KRTAP10-11: variants seen among roughly 807,000 people sequenced by gnomAD.
KRTAP10-11 encodes the protein keratin-associated protein 10-11.
For missense variants in KRTAP10-11, 401 were observed against 378.8 expected (o/e 1.06, Z -0.49); for synonymous variants, 188 against 161.1 (o/e 1.17, Z -1.27).
Position 44,647,121 on chromosome 21 carries a change from C to T in KRTAP10-11, c.663C>T (p.Cys221=), listed in dbSNP as rs1035288148. Residue 221 remains cysteine (C), a synonymous_variant, in exon 1 of 1, where the codon TGC becomes TGT. Coordinates refer to ENST00000334670, the MANE Select transcript of KRTAP10-11 (RefSeq NM_198692.3). ...ASSSRCQQPS[C]QPACCTTSCC... is the part of the protein sequence containing the mutation. ...CTTCACGCTGCCAGCAGCCTAGCTG[C>T]CAGCCAGCTTGCTGCACCACCTCCT... The T allele has an allele frequency of 9.9e-6, 16 of 1,614,068 alleles. No homozygotes were observed. Among genetic ancestry groups the T allele is most frequent in the Non-Finnish European group, 1.4e-5 (16 of 1,180,026 alleles).
In KRTAP10-11 at chr21:44,646,833, G is replaced by A. The variant is rs192041610; in HGVS notation, c.375G>A (p.Ser125=). 135 of 1,566,520 alleles carry A rather than the reference G, an allele frequency of 8.6e-5. No individual in the cohort carries two copies. The East Asian group carries it at 1.5e-3, about 17-fold the overall frequency. ...CTGTCTGCTGTGGGGCTGCTTCTTC[G>A]TGCTGCCGGCAGTCTAGCTGCCAGC... ...CVPVCCGAAS[S]CCRQSSCQPA... The change falls in exon 1 of 1, where the codon TCG becomes TCA. Residue 125 remains serine (S), a synonymous_variant. Coordinates refer to ENST00000334670, the MANE Select transcript of KRTAP10-11 (RefSeq NM_198692.3).
chr21:44,647,574 C>T lies in KRTAP10-11; in HGVS notation c.*219C>T. On this transcript the variant is annotated 3_prime_UTR_variant, in exon 1 of 1. Transcript: ENST00000334670. ...GGTGGACTGTGGCTTTCTGGAGCCC[C>T]CTTCTCCAAATGTGTTGCTTATACC... 6.4e-6 allele frequency: 4 copies of T among 622,824 alleles called. No individual in the cohort carries two copies. The highest frequency in any genetic ancestry group is 1.1e-5 in the Non-Finnish European group (4 of 348,282). 38.6% of individuals were successfully genotyped at this position (622,824 alleles called of 1,614,324 possible).
At position 44,646,776 on chromosome 21, in the gene KRTAP10-11, G is replaced by C; in HGVS notation, c.318G>C (p.Lys106Asn). 1 of 1,613,602 alleles carries C rather than the reference G, an allele frequency of 6.2e-7. No homozygotes were observed. The highest frequency in any genetic ancestry group is 8.5e-7 in the Non-Finnish European group (1 of 1,179,752). The change falls in exon 1 of 1, where the codon AAG becomes AAC. Residue 106 changes from lysine (K) to asparagine (N), a missense_variant. Transcript: ENST00000334670. ...CCTGCTGTGTGCCTGTCTGCTGCAA[G>C]ACTGTCTGCTGCAAGCCTGTGTGCT... ...QQACCVPVCC[K>N]TVCCKPVCCV...
In KRTAP10-11 at chr21:44,646,426, A is replaced by G. The variant is rs587706809; in HGVS notation, c.-33A>G. 6.3e-7 allele frequency: 1 copy of G among 1,579,334 alleles called. No homozygotes were observed. Among genetic ancestry groups the G allele is most frequent in the African/African-American group, 1.4e-5 (1 of 73,484 alleles). On this transcript the variant is annotated 5_prime_UTR_variant, in exon 1 of 1. Transcript: ENST00000334670. ...CACACACACTCACACACTCACTTAC[A>G]CCTCCCCCAGCTCACCTCCTCCCCA...
Position 44,647,350 on chromosome 21 carries a change from T to C in KRTAP10-11, c.892T>C (p.Cys298Arg). 1.2e-6 allele frequency: 2 copies of C among 1,613,478 alleles called. No homozygotes were observed. The highest frequency in any genetic ancestry group is 1.7e-6 in the Non-Finnish European group (2 of 1,179,584). ...CCTCTGCTCAGGCAAGAAGTCCAGC[T>C]GCTGAGTGCTCAATCCTTGTCTCCT... ...YSLCSGKKSSC is the reference protein window; with the variant it reads ...YSLCSGKKSSR The change falls in exon 1 of 1, where the codon TGC becomes CGC. Residue 298 changes from cysteine to arginine, a missense_variant. By Grantham distance (180) the Cys-to-Arg change is radical (BLOSUM62 -3). Coordinates refer to ENST00000334670, the MANE Select transcript of KRTAP10-11 (RefSeq NM_198692.3).
rs201289628 is a variant in KRTAP10-11 at position 44,647,230 on chromosome 21, G to A, written c.772G>A (p.Ala258Thr). The A allele has an allele frequency of 5.1e-5, 82 of 1,605,240 alleles. No homozygotes were observed. The highest frequency in any genetic ancestry group is 6.7e-5 in the Non-Finnish European group (79 of 1,175,268). The part of the protein sequence containing the change: ...TCCVPVSSCC[A>T]PTSSCQSSCC... Reference sequence around the variant, plus strand: ...CTGTGTGCCCGTCTCCTCCTGCTGTGCCCCCACCTCCTCCTGCCAGTCCAG... The same window carrying A: ...CTGTGTGCCCGTCTCCTCCTGCTGTACCCCCACCTCCTCCTGCCAGTCCAG... Residue 258 changes from alanine to threonine, a missense_variant, in exon 1 of 1, where the codon GCC (alanine) becomes ACC (threonine). Coordinates refer to ENST00000334670, the MANE Select transcript of KRTAP10-11 (RefSeq NM_198692.3).
At position 44,646,757 on chromosome 21, in the gene KRTAP10-11, G is replaced by A; in HGVS notation, c.299G>A (p.Cys100Tyr). The change falls in exon 1 of 1, where the codon TGT becomes TAT. Residue 100 changes from cysteine to tyrosine, a missense_variant. Coordinates refer to ENST00000334670, the MANE Select transcript of KRTAP10-11 (RefSeq NM_198692.3). ...TCCTCCCCCTGCCAGCAGGCCTGCT[G>A]TGTGCCTGTCTGCTGCAAGACTGTC... ...CTSSPCQQACCVPVCCKTVCC... is the reference protein window; with the variant it reads ...CTSSPCQQACYVPVCCKTVCC... The A allele has an allele frequency of 6.2e-7, 1 of 1,613,792 alleles. No individual in the cohort carries two copies. The highest frequency in any genetic ancestry group is 2.2e-5 in the East Asian group (1 of 44,842).
Position 44,647,563 on chromosome 21 carries a change from T to C in KRTAP10-11, c.*208T>C. On this transcript the variant is annotated 3_prime_UTR_variant, in exon 1 of 1. Coordinates refer to ENST00000334670, the MANE Select transcript of KRTAP10-11 (RefSeq NM_198692.3). Reference sequence around the variant, plus strand: ...ATCCCTCAGCAGGTGGACTGTGGCTTTCTGGAGCCCCCTTCTCCAAATGTG... The same window carrying C: ...ATCCCTCAGCAGGTGGACTGTGGCTCTCTGGAGCCCCCTTCTCCAAATGTG... 6 of 640,752 alleles carry C rather than the reference T, an allele frequency of 9.4e-6. No individual in the cohort carries two copies. In the South Asian group the frequency reaches 1.2e-4, roughly 13 times the overall value. The allele number at this position is 640,752 out of a possible 1,614,324, so 39.7% of individuals were successfully genotyped here.
rs782533305 is a variant in KRTAP10-11 at position 44,646,755 on chromosome 21, C to T, written c.297C>T (p.Cys99=). The part of the protein sequence containing the change: ...CCTSSPCQQA[C]CVPVCCKTVC... ...CCTCCTCCCCCTGCCAGCAGGCCTG[C>T]TGTGTGCCTGTCTGCTGCAAGACTG... is the stretch of plus-strand genomic sequence containing the variant. Residue 99 remains cysteine (C), a synonymous_variant, in exon 1 of 1, where the codon TGC becomes TGT. Coordinates refer to ENST00000334670, the MANE Select transcript of KRTAP10-11 (RefSeq NM_198692.3). The T allele has an allele frequency of 2.5e-6, 4 of 1,613,890 alleles. No homozygotes were observed. Among genetic ancestry groups the T allele is most frequent in the African/African-American group, 1.3e-5 (1 of 74,910 alleles).
At position 44,647,560 on chromosome 21, in the gene KRTAP10-11, G is replaced by A. The variant is rs1984516749; in HGVS notation, c.*205G>A. ...CAAATCCCTCAGCAGGTGGACTGTG[G>A]CTTTCTGGAGCCCCCTTCTCCAAAT... On this transcript the variant is annotated 3_prime_UTR_variant, in exon 1 of 1. Coordinates refer to ENST00000334670, the MANE Select transcript of KRTAP10-11 (RefSeq NM_198692.3). 1.1e-5 allele frequency: 7 copies of A among 642,186 alleles called. No homozygotes were observed. The South Asian group carries it at 1.2e-4, about 11-fold the overall frequency. The allele number at this position is 642,186 out of a possible 1,614,324, so 39.8% of individuals were successfully genotyped here.
chr21:44,647,514 TGTCTGGGAA>T lies in KRTAP10-11; in HGVS notation c.*161_*169del, dbSNP rs1384628550. The stretch of plus-strand genomic sequence containing the variant: ...GAGCGCGTCACACTTTCCTCCCCAC[TGTCTGGGAA>T]GAGACAACCCACAAATCCCTCAGCA... On this transcript the variant is annotated 3_prime_UTR_variant, in exon 1 of 1. Coordinates refer to ENST00000334670, the MANE Select transcript of KRTAP10-11 (RefSeq NM_198692.3). 2.4e-5 allele frequency: 21 copies of T among 882,904 alleles called. No homozygotes were observed. The highest frequency in any genetic ancestry group is 3.6e-5 in the Non-Finnish European group (21 of 581,178). The allele number at this position is 882,904 out of a possible 1,614,324, so 54.7% of individuals were successfully genotyped here. A position where few individuals can be genotyped will look rare whatever the true frequency, so the allele number is the denominator to read the frequency against.
chr21:44,646,654 G>C lies in KRTAP10-11; in HGVS notation c.196G>C (p.Ala66Pro), dbSNP rs368146868. Residue 66 changes from alanine to proline, a missense_variant, in exon 1 of 1, where the codon GCC (alanine) becomes CCC (proline). Ala to Pro is a conservative substitution (Grantham distance 27). Coordinates refer to ENST00000334670, the MANE Select transcript of KRTAP10-11 (RefSeq NM_198692.3). ...CTGCCAGGCGGCCTGTGAGCCCAGCGCCTGCCAATCAGGCTGCACCAGCTC... is the reference window on the plus strand; with the variant it reads ...CTGCCAGGCGGCCTGTGAGCCCAGCCCCTGCCAATCAGGCTGCACCAGCTC... ...PCCQAACEPS[A>P]CQSGCTSSCT... The C allele has an allele frequency of 8.6e-5, 138 of 1,613,390 alleles. No homozygotes were observed. Among genetic ancestry groups the C allele is most frequent in the Admixed American group, 2.7e-4 (16 of 59,970 alleles).
chr21:44,646,929 T>C lies in KRTAP10-11; in HGVS notation c.471T>C (p.Cys157=), dbSNP rs1326624586. Residue 157 remains cysteine, a synonymous_variant, in exon 1 of 1, where the codon TGT becomes TGC. Transcript: ENST00000334670. ...CVPVCCKPVC[C]VSTCSEDSSS... The stretch of plus-strand genomic sequence containing the variant: ...CCGTCTGCTGCAAGCCTGTGTGCTG[T>C]GTGTCCACCTGCTCTGAGGATTCCT... 12 of 1,610,016 alleles carry C rather than the reference T, an allele frequency of 7.5e-6. No homozygotes were observed. Among genetic ancestry groups the C allele is most frequent in the East Asian group, 2.2e-5 (1 of 44,630 alleles).
chr21:44,646,525 C>T lies in KRTAP10-11; in HGVS notation c.67C>T (p.Pro23Ser). The T allele has an allele frequency of 6.2e-7, 1 of 1,612,788 alleles. No individual in the cohort carries two copies. The highest frequency in any genetic ancestry group is 1.3e-5 in the African/African-American group (1 of 74,978). ...CGACTCCTGGCAGGTGGACGACTGCCCAGAGAGCTGCTGTGAGCCCCCCTG... is the reference window on the plus strand; with the variant it reads ...CGACTCCTGGCAGGTGGACGACTGCTCAGAGAGCTGCTGTGAGCCCCCCTG... ...YSDSWQVDDC[P>S]ESCCEPPCSA... The change falls in exon 1 of 1, where the codon CCA (proline) becomes TCA (serine). Residue 23 changes from proline (P) to serine (S), a missense_variant. Transcript: ENST00000334670.
chr21:44,647,098 T>C lies in KRTAP10-11; in HGVS notation c.640T>C (p.Ser214Pro). Residue 214 changes from serine to proline, a missense_variant, in exon 1 of 1, where the codon TCA becomes CCA. Ser to Pro is a moderately conservative substitution (Grantham distance 74, BLOSUM62 -1). Coordinates refer to ENST00000334670, the MANE Select transcript of KRTAP10-11 (RefSeq NM_198692.3). ...CVPVCSRASS[S>P]RCQQPSCQPA... is the part of the protein sequence containing the mutation. ...GCCTGTCTGCTCTAGGGCTTCCTCT[T>C]CACGCTGCCAGCAGCCTAGCTGCCA... The C allele has an allele frequency of 6.2e-7, 1 of 1,613,834 alleles. No homozygotes were observed. Among genetic ancestry groups the C allele is most frequent in the Non-Finnish European group, 8.5e-7 (1 of 1,179,936 alleles).
In KRTAP10-11 at chr21:44,647,087, G is replaced by T. The variant is rs782097255; in HGVS notation, c.629G>T (p.Arg210Met). ...ATCTGCTGTGTGCCTGTCTGCTCTA[G>T]GGCTTCCTCTTCACGCTGCCAGCAG... ...KPICCVPVCS[R>M]ASSSRCQQPS... The change falls in exon 1 of 1, where the codon AGG becomes ATG. Residue 210 changes from arginine to methionine, a missense_variant. Physicochemically the swap from Arg to Met is moderately conservative, Grantham distance 91. Coordinates refer to ENST00000334670, the MANE Select transcript of KRTAP10-11 (RefSeq NM_198692.3). The T allele has an allele frequency of 6.2e-7, 1 of 1,612,814 alleles. No individual in the cohort carries two copies. The highest frequency in any genetic ancestry group is 1.1e-5 in the South Asian group (1 of 91,002).
Position 44,646,530 on chromosome 21 carries a change from G to C in KRTAP10-11, c.72G>C (p.Glu24Asp). ...CCTGGCAGGTGGACGACTGCCCAGA[G>C]AGCTGCTGTGAGCCCCCCTGCAGCG... is the stretch of plus-strand genomic sequence containing the variant. ...SDSWQVDDCP[E>D]SCCEPPCSAP... The change falls in exon 1 of 1, where the codon GAG becomes GAC. Residue 24 changes from glutamate (E) to aspartate (D), a missense_variant. Glu to Asp is a conservative substitution (Grantham distance 45). Transcript: ENST00000334670. 6.2e-7 allele frequency: 1 copy of C among 1,612,688 alleles called. No individual in the cohort carries two copies. The highest frequency in any genetic ancestry group is 8.5e-7 in the Non-Finnish European group (1 of 1,179,964).
Position 44,646,518 on chromosome 21 carries a change from C to A in KRTAP10-11, c.60C>A (p.Asp20Glu). 1.2e-6 allele frequency: 2 copies of A among 1,612,850 alleles called. No individual in the cohort carries two copies. Among genetic ancestry groups the A allele is most frequent in the Non-Finnish European group, 1.7e-6 (2 of 1,179,960 alleles). ...CTTACTCCGACTCCTGGCAGGTGGA[C>A]GACTGCCCAGAGAGCTGCTGTGAGC... is the stretch of plus-strand genomic sequence containing the variant. The part of the protein sequence containing the change: ...SSAYSDSWQV[D>E]DCPESCCEPP... The change falls in exon 1 of 1, where the codon GAC becomes GAA. Residue 20 changes from aspartate to glutamate, a missense_variant. Asp to Glu is a conservative substitution (Grantham distance 45). Coordinates refer to ENST00000334670, the MANE Select transcript of KRTAP10-11 (RefSeq NM_198692.3).
rs1984496088 is a variant in KRTAP10-11 at position 44,647,304 on chromosome 21, C to T, written c.846C>T (p.Ser282=). The change falls in exon 1 of 1, where the codon AGC becomes AGT. Residue 282 remains serine (S), a synonymous_variant. Coordinates refer to ENST00000334670, the MANE Select transcript of KRTAP10-11 (RefSeq NM_198692.3). The part of the protein sequence containing the change: ...SCVSLLCRPA[S]SRLACYSLCS... ...TGTCCCTCCTCTGCCGCCCCGCAAG[C>T]TCCCGCCTGGCCTGCTACAGCCTCT... The T allele has an allele frequency of 6.2e-7, 1 of 1,613,850 alleles. No homozygotes were observed. The highest frequency in any genetic ancestry group is 8.5e-7 in the Non-Finnish European group (1 of 1,179,826).
Sources: gnomAD v4.1 joint callset for allele counts on GRCh38, gnomAD v4.1.1 for gene constraint, MANE v1.5 for transcripts, NCBI Gene and HGNC (gene_info 2026-07-23, HGNC 2026-07-21) for gene names.